MAP4: variants seen among roughly 807,000 people sequenced by gnomAD.
The protein encoded by MAP4 is microtubule associated protein 4.
MAP4 carries 76 observed loss-of-function variants against 170.2 expected under a neutral mutation model. The observed-to-expected ratio is 0.45, with a 90% CI of 0.37 to 0.54. MAP4 has a LOEUF of 0.54. Ranked by LOEUF, MAP4 falls within the 20% of genes least tolerant of loss-of-function variation. The pLI, the probability that MAP4 is intolerant of heterozygous loss-of-function variation, is 0.00. For synonymous variants in MAP4, 909 were observed against 994.5 expected, an observed-to-expected ratio of 0.91 and a Z score of 1.62; for missense variants, 2,506 against 2,748.0, an observed-to-expected ratio of 0.91 and a Z score of 1.97.
intron 1 of MAP4, among the ~76,000 whole-genome samples, chr3:48,049,614 G>C (rs1339648888): frequency 6.6e-6 from 1 of 151,144 alleles, no homozygotes; most frequent in African/African-American, 2.4e-5. Flanking sequence ...GTGAGACCAG[G>C]TCTACTAAAA....
intron 10 of MAP4, among the ~76,000 whole-genome samples, chr3:47,883,466 C>T (rs1210696960): frequency 6.6e-6 from 1 of 152,202 alleles, no homozygotes; most frequent in Non-Finnish European, 1.5e-5. Flanking sequence ...CTCAGATGAT[C>T]CACCCGCCTT....
intron 4 of MAP4, among the ~76,000 whole-genome samples, chr3:47,926,787 A>G (rs1174630504): frequency 6.6e-6 from 1 of 151,782 alleles, no homozygotes; most frequent in Non-Finnish European, 1.5e-5. Context: ...CATCCCACCT[A>G]TGCCTCACAA....
chr3:47,982,394 A>G (rs947957896), intron 2 of MAP4, among the ~76,000 whole-genome samples: 6 of 152,232 alleles, frequency 3.9e-5, no homozygotes, highest in African/African-American at 1.4e-4. Context: ...AGGACTCAAA[A>G]GAAGAATTTA....
chr3:47,916,878 C>T lies in MAP4; in HGVS notation c.949G>A (p.Val317Ile), dbSNP rs1009659506. 6.2e-6 allele frequency: 10 copies of T among 1,614,114 alleles called. No individual in the cohort carries two copies. In the African/African-American group the frequency reaches 1.2e-4, roughly 19 times the overall value. ...TCTGTGGGCCATCTGACATCCTTAA[C>T]CAGGGCCACTTCTTTTTCTGTGGGT... ...ELPTEKEVAL[V>I]KDVRWPTETD... is the part of the protein sequence containing the mutation. Residue 317 changes from valine (V) to isoleucine (I), a missense_variant, in exon 7 of 21, where the codon GTT becomes ATT. Around this residue, in one of 3 missense-constraint regions of MAP4, gnomAD observed 2,008 missense variants for 2,206.0 expected, o/e 0.91. Transcript: ENST00000683076.
rs373625811 is a variant in MAP4, at chr3:48,009,902, GTCACCTGGACACT to G, written c.-20+6419_-20+6431del. Among the ~76,000 whole-genome samples the G allele has an allele frequency of 7.4e-4, 113 of 152,266 alleles. 1 individual carries two copies. The highest frequency in any genetic ancestry group is 2.6e-3 in the African/African-American group (109 of 41,552). On this transcript the variant is annotated intron_variant, in intron 1 of 20. Transcript: ENST00000683076. The stretch of plus-strand genomic sequence containing the variant: ...TTCCATTAAACTGGAAGTTAAGATT[GTCACCTGGACACT>G]TTGGGCTCCTCCTCCCTTTAAGTCA...
intron 6 of MAP4, among the ~76,000 whole-genome samples, chr3:47,917,543 G>A (rs747687197): frequency 1.2e-4 from 18 of 149,906 alleles, no homozygotes; most frequent in East Asian, 3.9e-4. Context: ...CCGAGATCAC[G>A]GCATTGCACT....
intron 1 of MAP4, among the ~76,000 whole-genome samples, chr3:48,039,961 CAGA>C (rs2100120795): frequency 1.3e-5 from 2 of 152,172 alleles, no homozygotes; most frequent in South Asian, 4.1e-4. Context: ...ACCAAGAAAA[CAGA>C]AGAATGATAT....
chr3:47,892,362 T>C, intron 10 of MAP4: 1 of 1,536,248 alleles, frequency 6.5e-7, no homozygotes, highest in Non-Finnish European at 8.7e-7. Context: ...TTGCCCTCTG[T>C]CCTCTGCCAT....
rs758299179 is a variant in MAP4, at chr3:47,916,137, G to C, written c.1690C>G (p.Leu564Val). 1.2e-6 allele frequency: 2 copies of C among 1,614,222 alleles called. No individual in the cohort carries two copies. The highest frequency in any genetic ancestry group is 3.3e-5 in the Admixed American group (2 of 60,030). ...GGAGTCACATTGTTGGCCAGGGTCA[G>C]AACCCCATCCTTAGCCAGGGGTGCT... ...TEAPLAKDGV[L>V]TLANNVTPAK... The change falls in exon 7 of 21, where the codon CTG becomes GTG. Residue 564 changes from leucine (L) to valine (V), a missense_variant. Leu to Val is a conservative substitution (Grantham distance 32). This residue lies in a region of MAP4 where 2,008 missense variants were observed against 2,206.0 expected (regional missense o/e 0.91). Transcript: ENST00000683076.
chr3:48,014,477 G>C (rs1162176929), intron 1 of MAP4, among the ~76,000 whole-genome samples: 1 of 152,082 alleles, frequency 6.6e-6, no homozygotes, highest in Non-Finnish European at 1.5e-5. Context: ...GGGCAAAATG[G>C]CAAAACCCCA....
chr3:47,875,611 G>C, intron 12 of MAP4, 74 bp downstream of exon 12: 1 of 1,287,930 alleles, frequency 7.8e-7, no homozygotes, highest in Non-Finnish European at 1.1e-6. Flanking sequence ...TTGTCTGTTA[G>C]CAACAAGGAT....
intron 10 of MAP4, among the ~76,000 whole-genome samples, chr3:47,880,994 G>A (rs2096620508): frequency 6.6e-6 from 1 of 152,104 alleles, no homozygotes; most frequent in Non-Finnish European, 1.5e-5. Context: ...CTGTAATTGT[G>A]ACTTTGTGTA....
intron 7 of MAP4, among the ~76,000 whole-genome samples, chr3:47,915,238 T>C (rs955111615): frequency 4.0e-5 from 6 of 151,842 alleles, no homozygotes; most frequent in Non-Finnish European, 8.8e-5. Flanking sequence ...TGCCTCAGCC[T>C]CCCGAGTAGC....
At chr3:47,985,921 CG>C (rs1237038417) in intron 2 of MAP4, among the ~76,000 whole-genome samples, 2 of 152,176 alleles carry the variant, frequency 1.3e-5, no homozygotes, top group Non-Finnish European at 2.9e-5. Flanking sequence ...TCTCTATCAT[CG>C]TATTCTTGTA....
At chr3:47,886,981 ATC>A (rs2097698658) in intron 10 of MAP4, among the ~76,000 whole-genome samples, 1 of 152,258 alleles carries the variant, frequency 6.6e-6, no homozygotes, top group Non-Finnish European at 1.5e-5. Flanking sequence ...GAGCTACTTT[ATC>A]TGCTATCATA....
chr3:48,039,169 A>T (rs917511527), intron 1 of MAP4: 2 of 152,134 alleles, frequency 1.3e-5, no homozygotes, highest in African/African-American at 2.4e-5. Context: ...AATTTGAAAA[A>T]TTTCAGTCCT....
chr3:47,928,773 A>G (rs1366904621), intron 3 of MAP4, among the ~76,000 whole-genome samples: 2 of 152,084 alleles, frequency 1.3e-5, no homozygotes, highest in African/African-American at 2.4e-5. Context: ...ATTTCTCCAC[A>G]TGAAAGAACA....
At chr3:47,903,045 A>G in intron 9 of MAP4, 45 bp from the exon 10 acceptor site, 3 of 879,922 alleles carry the variant, frequency 3.4e-6, no homozygotes, top group Non-Finnish European at 4.1e-6. Flanking sequence ...ACCAGGCTTC[A>G]CTATGGCAAA....
chr3:47,871,986 C>T lies in MAP4; in HGVS notation c.5872G>A (p.Ala1958Thr). 6.2e-7 allele frequency: 1 copy of T among 1,614,078 alleles called. No individual in the cohort carries two copies. Among genetic ancestry groups the T allele is most frequent in the Non-Finnish European group, 8.5e-7 (1 of 1,179,996 alleles). ...STQTVAKTTTAAAVASTGPSS... is the reference protein window; with the variant it reads ...STQTVAKTTTTAAVASTGPSS... ...GGGCCAGTTGAGGCAACAGCAGCAG[C>T]TGTTGTGGTTTTTGCAACAGTCTGA... The change falls in exon 13 of 21, where the codon GCT (alanine) becomes ACT (threonine). Residue 1958 changes from alanine to threonine, a missense_variant. By Grantham distance (58) the Ala-to-Thr change is moderately conservative. Transcript: ENST00000683076.
Sources: allele counts gnomAD v4.1 joint callset (sites outside exome capture counted in the v4.1 genomes callset), GRCh38; gene constraint gnomAD v4.1.1; regional missense constraint gnomAD v4.1.1; transcripts MANE v1.5; gene names NCBI Gene and HGNC (gene_info 2026-07-23, HGNC 2026-07-21).